The following PFKP variants were observed in gnomAD, a reference collection of about 807,000 sequenced individuals.
The protein encoded by PFKP is phosphofructokinase, platelet, also known as ATP-dependent 6-phosphofructokinase, platelet type.
In PFKP, 101 loss-of-function variants were observed where a neutral mutation model predicts 94.3. That is an observed-to-expected ratio of 1.07 (90% CI 0.91 to 1.26). The LOEUF is 1.26. Ranked by LOEUF, PFKP falls within the 50% of genes most tolerant of loss-of-function variation. The pLI is 0.00. For missense variants in PFKP, 1,145 were observed against 1,103.3 expected, an observed-to-expected ratio of 1.04 and a Z score of -0.53; for synonymous variants, 573 against 432.6, an observed-to-expected ratio of 1.32 and a Z score of -4.03.
chr10:3,136,641 T>G lies in PFKP; in HGVS notation c.*62T>G. ...ACTGTCTGTTTTTGTAACACTTAAG[T>G]TATTTTATCAGCACTTTATGCACGT... On this transcript the variant is annotated 3_prime_UTR_variant, in exon 22 of 22. Transcript: ENST00000381125. 1.9e-6 allele frequency: 3 copies of G among 1,566,672 alleles called. No homozygotes were observed. Among genetic ancestry groups the G allele is most frequent in the Non-Finnish European group, 2.6e-6 (3 of 1,145,364 alleles).
At chr10:3,115,902 C>A (rs1205749391) in intron 13 of PFKP, among the ~76,000 whole-genome samples, 1 of 152,156 alleles carries the variant, frequency 6.6e-6, no homozygotes, top group African/African-American at 2.4e-5. Flanking sequence ...AGATGATCCA[C>A]CTTCCACCAC....
intron 16 of PFKP, 41 bp from the exon 17 acceptor site, chr10:3,129,778 C>A: frequency 6.2e-7 from 1 of 1,606,710 alleles, no homozygotes. Context: ...GGGCGCGCCC[C>A]GGGCCTGGGC....
At chr10:3,068,122 C>T (rs992149283) in intron 1 of PFKP, among the ~76,000 whole-genome samples, 4 of 152,194 alleles carry the variant, frequency 2.6e-5, no homozygotes, top group South Asian at 2.1e-4. Flanking sequence ...TAGGACGGGG[C>T]CGGGCGTCCC....
chr10:3,068,400 C>A (rs1412141744), intron 1 of PFKP, among the ~76,000 whole-genome samples: 1 of 152,154 alleles, frequency 6.6e-6, no homozygotes, highest in Non-Finnish European at 1.5e-5. Flanking sequence ...GGGTTTCCTG[C>A]GCTCGCATGT....
At chr10:3,122,715 A>T (rs1256231247) in intron 16 of PFKP, among the ~76,000 whole-genome samples, 4 of 152,142 alleles carry the variant, frequency 2.6e-5, no homozygotes, top group Admixed American at 2.0e-4. Context: ...CCTGGGCAGC[A>T]TTTAGGTTTG....
intron 2 of PFKP, among the ~76,000 whole-genome samples, chr10:3,088,929 C>T (rs1833838252): frequency 6.6e-6 from 1 of 151,808 alleles, no homozygotes; most frequent in African/African-American, 2.4e-5. Flanking sequence ...TTATGCCTGG[C>T]TTATTTCTTA....
chr10:3,117,702 G>A (rs1836974369), intron 14 of PFKP, among the ~76,000 whole-genome samples: 1 of 152,168 alleles, frequency 6.6e-6, no homozygotes, highest in Non-Finnish European at 1.5e-5. Flanking sequence ...CTAGGTAGAG[G>A]CAGATGCATC....
intron 10 of PFKP, among the ~76,000 whole-genome samples, chr10:3,111,663 G>A (rs757579704): frequency 5.3e-5 from 8 of 152,060 alleles, no homozygotes; most frequent in Non-Finnish European, 1.0e-4. Flanking sequence ...GGAAATTGAA[G>A]TTCAGAGCGA....
intron 17 of PFKP, among the ~76,000 whole-genome samples, chr10:3,130,903 T>C (rs4391742): frequency 0.24 from 37,189 of 151,812 alleles, 4,604 homozygotes; most frequent in East Asian, 0.3. Context: ...CTGAGCCAAA[T>C]AGATCAAGTA....
At chr10:3,075,534 G>A (rs1832512132) in intron 1 of PFKP, among the ~76,000 whole-genome samples, 1 of 148,886 alleles carries the variant, frequency 6.7e-6, no homozygotes, top group South Asian at 2.2e-4. Context: ...AGGCTTGCAT[G>A]TGGGTGGCCT....
At chr10:3,115,422 CCAT>C (rs1564327436) in intron 13 of PFKP, among the ~76,000 whole-genome samples, 824 of 53,844 alleles carry the variant, frequency 0.015, 75 homozygotes, top group East Asian at 0.083. Flanking sequence ...GTGTGTCCCG[CCAT>C]GGAGGACAGG....
chr10:3,121,115 C>T (rs780080490), intron 16 of PFKP, among the ~76,000 whole-genome samples: 18 of 152,184 alleles, frequency 1.2e-4, no homozygotes, highest in African/African-American at 4.1e-4. Context: ...GCTTAGCACT[C>T]GTTTCTTGCT....
At chr10:3,070,456 C>T (rs1222046800) in intron 1 of PFKP, 6 of 152,130 alleles carry the variant, frequency 3.9e-5, no homozygotes, top group East Asian at 3.9e-4. Context: ...TTCACATTCA[C>T]GTATTAATTT....
Position 3,067,661 on chromosome 10 carries a change from G to A in PFKP, c.66G>A (p.Gly22=), listed in dbSNP as rs764743989. ...SLRKFLEHLS[G]AGKAIGVLTS... ...GGAAGTTCCTGGAGCACCTCTCCGG[G>A]GCCGGCAAGGCCATCGGCGTGCTGA... The change falls in exon 1 of 22, where the codon GGG becomes GGA. Residue 22 remains glycine, a synonymous_variant. Transcript: ENST00000381125. The A allele has an allele frequency of 3.1e-5, 47 of 1,533,400 alleles. No homozygotes were observed. The highest frequency in any genetic ancestry group is 3.8e-5 in the Non-Finnish European group (43 of 1,139,836). The allele number at this position is 1,533,400 out of a possible 1,614,324, so 95.0% of individuals were successfully genotyped here.
At chr10:3,080,423 A>C (rs1386154491) in intron 1 of PFKP, among the ~76,000 whole-genome samples, 1 of 148,176 alleles carries the variant, frequency 6.7e-6, no homozygotes, top group East Asian at 2.1e-4. Flanking sequence ...AGGCTGAGGC[A>C]GGAGAATGGC....
intron 16 of PFKP, among the ~76,000 whole-genome samples, chr10:3,123,251 A>G (rs145594187): frequency 6.6e-6 from 1 of 152,338 alleles, no homozygotes; most frequent in African/African-American, 2.4e-5. Flanking sequence ...CGATAAGGTC[A>G]CATCAGAAGC....
chr10:3,099,357 G>C lies in PFKP; in HGVS notation c.264+5G>C, dbSNP rs763107856. ...GTCTCCAGCATCCTGCAAGTGGTAG[G>C]TACTGGGCTGCGTCCACAGGGTTCT... On this transcript the variant is annotated splice_donor_5th_base_variant and intron_variant, in intron 3 of 21. Transcript: ENST00000381125. 4.3e-6 allele frequency: 7 copies of C among 1,611,620 alleles called. No individual in the cohort carries two copies. Among genetic ancestry groups the C allele is most frequent in the East Asian group, 2.2e-5 (1 of 44,874 alleles).
chr10:3,108,472 C>A (rs1008344746), intron 8 of PFKP, among the ~76,000 whole-genome samples: 1 of 151,948 alleles, frequency 6.6e-6, no homozygotes, highest in Non-Finnish European at 1.5e-5. Flanking sequence ...TTTCTAGGTG[C>A]GAGCCAAGAT....
chr10:3,114,682 G>A (rs1836612886), intron 13 of PFKP, among the ~76,000 whole-genome samples: 1 of 152,220 alleles, frequency 6.6e-6, no homozygotes. Context: ...TGGCTCATGG[G>A]GCCCTCAGGG....
Sources: gnomAD v4.1 joint callset for allele counts (sites outside exome capture counted in the v4.1 genomes callset) on GRCh38, gnomAD v4.1.1 for gene constraint, MANE v1.5 for transcripts, NCBI Gene and HGNC (gene_info 2026-07-23, HGNC 2026-07-21) for gene names.